Variants in LCLAT1 observed in about 807,000 individuals in gnomAD.
The protein encoded by LCLAT1 is lysocardiolipin acyltransferase 1.
LCLAT1 carries 11 observed loss-of-function variants against 30.7 expected under a neutral mutation model. The ratio of observed to expected loss-of-function variants is 0.36; its 90% CI spans 0.23 to 0.59. The LOEUF (loss-of-function observed/expected upper bound fraction) is 0.59. LCLAT1 is among the 20% of genes least tolerant of loss of function. The probability of loss-of-function intolerance (pLI) is 0.77; values close to 1 mark genes in which losing one functional copy is unlikely to be tolerated. For missense variants in LCLAT1, 402 were observed against 458.6 expected (o/e 0.88, Z 1.13); for synonymous variants, 155 against 151.3 (o/e 1.02, Z -0.18).
At chr2:30,593,011 C>G (rs1412224555) in intron 5 of LCLAT1, among the ~76,000 whole-genome samples, 1 of 152,092 alleles carries the variant, frequency 6.6e-6, no homozygotes, top group African/African-American at 2.4e-5. Context: ...CTAGAACTTA[C>G]TCCTTCTAAC....
intron 1 of LCLAT1, among the ~76,000 whole-genome samples, chr2:30,454,377 C>T (rs1237817870): frequency 1.6e-4 from 24 of 152,194 alleles, no homozygotes; most frequent in Admixed American, 1.6e-3. Flanking sequence ...TCAACCTGGA[C>T]AGTGTGAATT....
intron 5 of LCLAT1, among the ~76,000 whole-genome samples, chr2:30,604,313 C>G (rs143016037): frequency 1.3e-5 from 2 of 150,808 alleles, no homozygotes; most frequent in East Asian, 2.0e-4. Flanking sequence ...AGAGAAAAGA[C>G]GACTAAGAGA....
chr2:30,448,921 T>C (rs1681402818), intron 1 of LCLAT1, among the ~76,000 whole-genome samples: 2 of 152,230 alleles, frequency 1.3e-5, no homozygotes, highest in Admixed American at 1.3e-4. Flanking sequence ...AAAGACAGTA[T>C]GTGTGAAAGG....
intron 2 of LCLAT1, among the ~76,000 whole-genome samples, chr2:30,529,444 G>A (rs997624463): frequency 1.3e-5 from 2 of 152,092 alleles, no homozygotes; most frequent in Non-Finnish European, 1.5e-5. Context: ...TCTATAATTC[G>A]GAGTGCATGC....
intron 2 of LCLAT1, among the ~76,000 whole-genome samples, chr2:30,528,315 T>G (rs1685822681): frequency 6.6e-6 from 1 of 152,212 alleles, no homozygotes; most frequent in African/African-American, 2.4e-5. Flanking sequence ...AATTCTGCAA[T>G]AGCTATTTCT....
At chr2:30,486,378 T>A (rs1254766878) in intron 1 of LCLAT1, among the ~76,000 whole-genome samples, 1 of 152,198 alleles carries the variant, frequency 6.6e-6, no homozygotes, top group Admixed American at 6.5e-5. Flanking sequence ...CTCATTTCAT[T>A]GTAGAATGGT....
At chr2:30,523,323 G>T (rs1399559396) in intron 1 of LCLAT1, among the ~76,000 whole-genome samples, 1 of 151,482 alleles carries the variant, frequency 6.6e-6, no homozygotes, top group Non-Finnish European at 1.5e-5. Context: ...GCAAAGAGGA[G>T]GACCTGAGCC....
chr2:30,601,229 C>T (rs571294461), intron 5 of LCLAT1, among the ~76,000 whole-genome samples: 28 of 152,232 alleles, frequency 1.8e-4, no homozygotes, highest in African/African-American at 6.7e-4. Context: ...TGGTTTAGAA[C>T]GTACTCCTTT....
At chr2:30,616,849 A>G (rs1647595258) in intron 5 of LCLAT1, among the ~76,000 whole-genome samples, 1 of 152,188 alleles carries the variant, frequency 6.6e-6, no homozygotes, top group South Asian at 2.1e-4. Flanking sequence ...AAAAAAAAAA[A>G]ATTGAAATCA....
intron 1 of LCLAT1, among the ~76,000 whole-genome samples, chr2:30,480,680 G>C (rs767502660): frequency 5.9e-5 from 9 of 152,156 alleles, no homozygotes; most frequent in Non-Finnish European, 1.3e-4. Flanking sequence ...TTGAGGCCTG[G>C]AGTTCAAGGC....
chr2:30,616,601 T>C (rs1668002621), intron 5 of LCLAT1, among the ~76,000 whole-genome samples: 1 of 152,166 alleles, frequency 6.6e-6, no homozygotes, highest in Non-Finnish European at 1.5e-5. Flanking sequence ...CTTTTTCCTT[T>C]CTAGATAGTA....
At chr2:30,525,818 A>T in intron 2 of LCLAT1, 63 bp downstream of exon 2, 1 of 1,408,700 alleles carries the variant, frequency 7.1e-7, no homozygotes, top group Non-Finnish European at 1.0e-6. Flanking sequence ...CCTGATAGAT[A>T]CCTAAATCCA....
chr2:30,614,512 A>G (rs1200946863), intron 5 of LCLAT1, among the ~76,000 whole-genome samples: 5 of 152,160 alleles, frequency 3.3e-5, no homozygotes, highest in Non-Finnish European at 7.4e-5. Flanking sequence ...TGTGACTGCA[A>G]GGTTCTTGGC....
intron 5 of LCLAT1, among the ~76,000 whole-genome samples, chr2:30,574,291 C>A (rs1165718224): frequency 6.6e-6 from 1 of 152,084 alleles, no homozygotes; most frequent in Non-Finnish European, 1.5e-5. Context: ...TAATGTGAGT[C>A]CAAACATTGT....
chr2:30,539,448 G>C (rs13418260), intron 3 of LCLAT1, among the ~76,000 whole-genome samples: 1 of 151,802 alleles, frequency 6.6e-6, no homozygotes, highest in African/African-American at 2.4e-5. Flanking sequence ...TGAAACTTTA[G>C]AGCCAAGCAT....
chr2:30,469,518 C>T (rs535496306), intron 1 of LCLAT1, among the ~76,000 whole-genome samples: 2 of 151,572 alleles, frequency 1.3e-5, no homozygotes, highest in Non-Finnish European at 2.9e-5. Flanking sequence ...AATCAGTTGG[C>T]CATAGATGTA....
At chr2:30,527,795 C>T (rs748404752) in intron 2 of LCLAT1, among the ~76,000 whole-genome samples, 48 of 152,014 alleles carry the variant, frequency 3.2e-4, no homozygotes, top group Non-Finnish European at 5.3e-4. Context: ...GGTAAGTACC[C>T]GGTAAATATT....
At chr2:30,452,318 G>A (rs1558445497) in intron 1 of LCLAT1, among the ~76,000 whole-genome samples, 1 of 151,872 alleles carries the variant, frequency 6.6e-6, no homozygotes, top group Non-Finnish European at 1.5e-5. Flanking sequence ...AATTATGAAA[G>A]AGGTACTTTA....
intron 5 of LCLAT1, among the ~76,000 whole-genome samples, chr2:30,571,994 G>GT (rs1558528123): frequency 6.6e-6 from 1 of 152,208 alleles, no homozygotes; most frequent in Non-Finnish European, 1.5e-5. Flanking sequence ...GATCACCTAA[G>GT]TGACCTGGTG....
Sources: gnomAD v4.1 joint callset for allele counts (sites outside exome capture counted in the v4.1 genomes callset) on GRCh38, gnomAD v4.1.1 for gene constraint, MANE v1.5 for transcripts, NCBI Gene and HGNC (gene_info 2026-07-23, HGNC 2026-07-21) for gene names.